The following TNKS variants were observed in gnomAD, a reference collection of about 807,000 sequenced individuals.
TNKS encodes tankyrase.
A neutral mutation model predicts 135.8 loss-of-function variants in TNKS; 72 were observed. The observed-to-expected ratio is 0.53, with a 90% CI of 0.44 to 0.64. The LOEUF (loss-of-function observed/expected upper bound fraction) is 0.64, where lower values mean the gene tolerates loss of function less well. TNKS is among the 30% of genes least tolerant of loss of function. TNKS has a pLI of 0.00. For synonymous variants in TNKS, 849 were observed against 649.3 expected (o/e 1.31, Z -4.68); for missense variants, 1,769 against 1,674.0 (o/e 1.06, Z -0.99).
Position 9,735,480 on chromosome 8 carries a change from T to C in TNKS, c.2637T>C (p.Ser879=), listed in dbSNP as rs775736493. 1.9e-5 allele frequency: 31 copies of C among 1,612,942 alleles called. No individual in the cohort carries two copies. In the East Asian group the frequency reaches 6.9e-4, roughly 36 times the overall value. ...TAATTCCTCTTCATAATGCGGCATCTTATGGGGTAAGCATACTAACATTAA... is the reference window on the plus strand; with the variant it reads ...TAATTCCTCTTCATAATGCGGCATCCTATGGGGTAAGCATACTAACATTAA... ...GGLIPLHNAA[S]YGHVDIAALL... is the part of the protein sequence containing the mutation. Residue 879 remains serine, a synonymous_variant, in exon 17 of 27, where the codon TCT becomes TCC. Transcript: ENST00000310430.
At chr8:9,718,303 T>C (rs1180382531) in intron 11 of TNKS, among the ~76,000 whole-genome samples, 1 of 152,206 alleles carries the variant, frequency 6.6e-6, no homozygotes, top group African/African-American at 2.4e-5. Flanking sequence ...CAAACACATG[T>C]TCACAGTTAA....
At chr8:9,637,057 C>T (rs1340078916) in intron 3 of TNKS, among the ~76,000 whole-genome samples, 1 of 152,076 alleles carries the variant, frequency 6.6e-6, no homozygotes, top group Non-Finnish European at 1.5e-5. Flanking sequence ...CAGAAGAATA[C>T]AGTGAAGAAT....
At chr8:9,712,733 A>G (rs1203818927) in intron 11 of TNKS, among the ~76,000 whole-genome samples, 2 of 150,266 alleles carry the variant, frequency 1.3e-5, no homozygotes, top group African/African-American at 4.9e-5. Context: ...TACAAATAAT[A>G]AAAAAAAATA....
At chr8:9,628,860 G>T (rs972084465) in intron 3 of TNKS, among the ~76,000 whole-genome samples, 14 of 151,960 alleles carry the variant, frequency 9.2e-5, no homozygotes, top group African/African-American at 3.4e-4. Flanking sequence ...CAACCCTATT[G>T]CCATGCCCAC....
chr8:9,763,644 T>C (rs561447738), intron 22 of TNKS, among the ~76,000 whole-genome samples: 15 of 152,324 alleles, frequency 9.8e-5, no homozygotes, highest in Middle Eastern at 6.8e-3. Flanking sequence ...GACTATAAAA[T>C]AATATGCCTA....
chr8:9,694,510 C>T (rs995785451), intron 5 of TNKS, among the ~76,000 whole-genome samples: 3 of 151,974 alleles, frequency 2.0e-5, no homozygotes, highest in African/African-American at 7.2e-5. Context: ...ACCTGTAATC[C>T]CAGCACTTTG....
intron 3 of TNKS, among the ~76,000 whole-genome samples, chr8:9,639,207 G>C (rs1390451699): frequency 6.6e-6 from 1 of 152,020 alleles, no homozygotes; most frequent in Non-Finnish European, 1.5e-5. Context: ...GTAAATTCTT[G>C]AAGCTTAAGA....
At position 9,564,849 on chromosome 8, in the gene TNKS, A is replaced by C. The variant is rs139251643; in HGVS notation, c.673+8237A>C. On this transcript the variant is annotated intron_variant, in intron 1 of 26. Transcript: ENST00000310430. ...GGTGCAGCCTCCCCTTACGGGGCTT[A>C]ATAAAACCAATGAAACATACACGAG... Among the ~76,000 whole-genome samples, 855 of 152,340 alleles carry C rather than the reference A, an allele frequency of 5.6e-3. 3 individuals carry two copies. Among genetic ancestry groups the C allele is most frequent in the Non-Finnish European group, 9.5e-3 (648 of 68,022 alleles).
chr8:9,657,577 A>C (rs1801454715), intron 3 of TNKS, among the ~76,000 whole-genome samples: 1 of 79,262 alleles, frequency 1.3e-5, no homozygotes, highest in Non-Finnish European at 2.6e-5. Flanking sequence ...CACCTCCCAG[A>C]CGGGGCGGCT....
chr8:9,699,458 C>CT (rs1054337502), intron 5 of TNKS, among the ~76,000 whole-genome samples: 31 of 152,090 alleles, frequency 2.0e-4, no homozygotes, highest in Middle Eastern at 6.8e-3. Context: ...GCAAATCATC[C>CT]TTTTTTTTCT....
chr8:9,699,114 C>G (rs769186352), intron 5 of TNKS, among the ~76,000 whole-genome samples: 10 of 152,144 alleles, frequency 6.6e-5, no homozygotes, highest in Non-Finnish European at 2.9e-5. Flanking sequence ...TGTGGATGTC[C>G]TAAATGTTTG....
rs28532623 is a variant in TNKS at position 9,720,102 on chromosome 8, C to T, written c.1750-272C>T. On this transcript the variant is annotated intron_variant, in intron 11 of 26. Transcript: ENST00000310430. The stretch of plus-strand genomic sequence containing the variant: ...TGCCTCCATAGACCAGTCTAGTCGT[C>T]GAAGGGAGTAGCAGAAATGGGAAAT... Among the ~76,000 whole-genome samples, 36 of 151,840 alleles carry T rather than the reference C, an allele frequency of 2.4e-4. 1 individual carries two copies. The highest frequency in any genetic ancestry group is 8.2e-4 in the African/African-American group (34 of 41,332).
chr8:9,721,924 G>T (rs966537801), intron 12 of TNKS, among the ~76,000 whole-genome samples: 13 of 151,736 alleles, frequency 8.6e-5, no homozygotes, highest in Non-Finnish European at 1.8e-4. Context: ...GTGGTGGTGC[G>T]TGCCTGTAAT....
chr8:9,657,546 C>T (rs556961364), intron 3 of TNKS, among the ~76,000 whole-genome samples: 747 of 71,542 alleles, frequency 0.01, 8 homozygotes, highest in African/African-American at 0.04. Flanking sequence ...CCAGTAGGGG[C>T]GGCTGGGCAG....
intron 5 of TNKS, among the ~76,000 whole-genome samples, chr8:9,685,424 G>A (rs907979939): frequency 6.6e-6 from 1 of 152,148 alleles, no homozygotes; most frequent in Non-Finnish European, 1.5e-5. Context: ...ACCTAGTACA[G>A]TTTGTAGCAC....
At chr8:9,649,988 G>A (rs986588535) in intron 3 of TNKS, among the ~76,000 whole-genome samples, 2 of 146,304 alleles carry the variant, frequency 1.4e-5, no homozygotes, top group African/African-American at 2.5e-5. Flanking sequence ...CACCTCCTGG[G>A]TTCAAGCAGT....
intron 5 of TNKS, among the ~76,000 whole-genome samples, chr8:9,694,548 G>A (rs1803425417): frequency 6.6e-6 from 1 of 152,080 alleles, no homozygotes; most frequent in Non-Finnish European, 1.5e-5. Flanking sequence ...GATCACTTGA[G>A]GTCAGGAGTT....
intron 14 of TNKS, among the ~76,000 whole-genome samples, chr8:9,732,894 A>G (rs1336910920): frequency 6.6e-6 from 1 of 152,236 alleles, no homozygotes; most frequent in African/African-American, 2.4e-5. Flanking sequence ...CTATGATTAA[A>G]CCACTATGAT....
intron 3 of TNKS, among the ~76,000 whole-genome samples, chr8:9,664,278 A>G (rs1279769963): frequency 6.6e-6 from 1 of 152,216 alleles, no homozygotes; most frequent in Non-Finnish European, 1.5e-5. Flanking sequence ...CGACATGGCA[A>G]GGGAGGAAGC....
Sources: allele counts gnomAD v4.1 joint callset (sites outside exome capture counted in the v4.1 genomes callset), GRCh38; gene constraint gnomAD v4.1.1; transcripts MANE v1.5; gene names NCBI Gene and HGNC (gene_info 2026-07-23, HGNC 2026-07-21).